Variants in DGKI observed in about 807,000 individuals in gnomAD.
DGKI encodes the protein diacylglycerol kinase iota.
DGKI carries 55 observed loss-of-function variants against 147.5 expected under a neutral mutation model. That is an observed-to-expected ratio of 0.37 (90% CI 0.30 to 0.47). DGKI has a LOEUF of 0.47. DGKI is among the 20% of genes least tolerant of loss of function. The pLI, the probability that DGKI is intolerant of heterozygous loss-of-function variation, is 1.00. For synonymous variants in DGKI, 469 were observed against 477.1 expected (o/e 0.98, Z 0.22); for missense variants, 1,007 against 1,323.8 (o/e 0.76, Z 3.71).
chr7:137,609,815 C>T (rs1028887178), intron 8 of DGKI, among the ~76,000 whole-genome samples: 3 of 152,056 alleles, frequency 2.0e-5, no homozygotes, highest in Non-Finnish European at 4.4e-5. Context: ...CTCCACCACA[C>T]GGAGAGGCAG....
intron 1 of DGKI, among the ~76,000 whole-genome samples, chr7:137,717,919 G>C (rs1794429603): frequency 6.6e-6 from 1 of 152,092 alleles, no homozygotes; most frequent in African/African-American, 2.4e-5. Context: ...TAGAATCCTT[G>C]TTGCAAATTA....
intron 1 of DGKI, among the ~76,000 whole-genome samples, chr7:137,781,774 T>C (rs2116890816): frequency 6.6e-6 from 1 of 152,340 alleles, no homozygotes; most frequent in East Asian, 1.9e-4. Context: ...TGACCGGAAT[T>C]GCCAGGGAAG....
intron 30 of DGKI, among the ~76,000 whole-genome samples, chr7:137,400,212 G>C (rs1227807716): frequency 6.6e-6 from 1 of 152,164 alleles, no homozygotes; most frequent in African/African-American, 2.4e-5. Flanking sequence ...GTCAGCAAGG[G>C]GCTTAAGTAC....
chr7:137,742,542 G>A (rs1046066854), intron 1 of DGKI, among the ~76,000 whole-genome samples: 13 of 152,068 alleles, frequency 8.5e-5, no homozygotes, highest in Non-Finnish European at 1.8e-4. Context: ...AGCCACAAGA[G>A]ACCTTAATAT....
At chr7:137,406,383 T>G (rs1252928421) in intron 30 of DGKI, among the ~76,000 whole-genome samples, 14 of 152,078 alleles carry the variant, frequency 9.2e-5, no homozygotes. Context: ...GCACCAAAAA[T>G]ACATCCTATC....
chr7:137,473,568 T>C (rs1046031733), intron 23 of DGKI, among the ~76,000 whole-genome samples: 6 of 152,266 alleles, frequency 3.9e-5, no homozygotes, highest in Non-Finnish European at 7.4e-5. Flanking sequence ...AATAAGAAGA[T>C]TCTGATCAGT....
intron 28 of DGKI, among the ~76,000 whole-genome samples, chr7:137,436,930 A>T (rs1261772445): frequency 1.3e-5 from 2 of 152,214 alleles, no homozygotes; most frequent in Non-Finnish European, 2.9e-5. Context: ...AAAGAGTATT[A>T]AATAAAATTC....
intron 2 of DGKI, among the ~76,000 whole-genome samples, chr7:137,683,611 C>T (rs967681669): frequency 6.6e-6 from 1 of 152,124 alleles, no homozygotes; most frequent in African/African-American, 2.4e-5. Flanking sequence ...TTCTACTGTC[C>T]CTACCTGGAA....
chr7:137,521,074 G>A (rs912105597), intron 21 of DGKI, among the ~76,000 whole-genome samples: 1 of 151,892 alleles, frequency 6.6e-6, no homozygotes, highest in South Asian at 2.1e-4. Flanking sequence ...TATTGCAGTT[G>A]ACTATTGGCC....
chr7:137,832,720 T>G (rs1471764226), intron 1 of DGKI, among the ~76,000 whole-genome samples: 2 of 152,254 alleles, frequency 1.3e-5, no homozygotes, highest in Non-Finnish European at 2.9e-5. Context: ...TGCAAATTTC[T>G]GCAGCCAGCT....
intron 28 of DGKI, among the ~76,000 whole-genome samples, chr7:137,439,097 C>T (rs1395289184): frequency 2.6e-5 from 4 of 152,196 alleles, no homozygotes; most frequent in Non-Finnish European, 4.4e-5. Flanking sequence ...AAATGTTTTA[C>T]TTCTTAGTCT....
At chr7:137,492,216 C>T (rs1238267408) in intron 21 of DGKI, among the ~76,000 whole-genome samples, 1 of 152,024 alleles carries the variant, frequency 6.6e-6, no homozygotes, top group Non-Finnish European at 1.5e-5. Flanking sequence ...AAGAGAAAGG[C>T]AAAAGTGATC....
At chr7:137,439,581 T>C (rs1467136447) in intron 28 of DGKI, among the ~76,000 whole-genome samples, 3 of 152,198 alleles carry the variant, frequency 2.0e-5, no homozygotes, top group African/African-American at 7.2e-5. Context: ...GGCCCCATCC[T>C]TGACACATGG....
intron 28 of DGKI, among the ~76,000 whole-genome samples, chr7:137,443,835 A>C (rs1195714379): frequency 1.3e-5 from 2 of 152,262 alleles, no homozygotes; most frequent in African/African-American, 4.8e-5. Flanking sequence ...GAAATCAGGC[A>C]GAATAAATTA....
intron 20 of DGKI, among the ~76,000 whole-genome samples, chr7:137,523,434 T>TTCTC (rs372390366): frequency 0.071 from 10,626 of 150,140 alleles, 429 homozygotes; most frequent in African/African-American, 0.12. Context: ...CTCTCTCTCT[T>TTCTC]TCTCTCTCTC....
intron 21 of DGKI, among the ~76,000 whole-genome samples, chr7:137,513,008 C>T (rs1816629074): frequency 6.6e-6 from 1 of 152,162 alleles, no homozygotes; most frequent in Admixed American, 6.5e-5. Flanking sequence ...TTCAATCATC[C>T]ATTTCCAAAG....
At chr7:137,653,916 T>C (rs1048969417) in intron 5 of DGKI, among the ~76,000 whole-genome samples, 3 of 152,238 alleles carry the variant, frequency 2.0e-5, no homozygotes, top group Non-Finnish European at 4.4e-5. Context: ...GTTCTGTTCA[T>C]TGCAGGCTTT....
chr7:137,566,843 T>C (rs1818601668), intron 19 of DGKI, among the ~76,000 whole-genome samples: 1 of 152,070 alleles, frequency 6.6e-6, no homozygotes, highest in South Asian at 2.1e-4. Context: ...TTAGATGTCT[T>C]ACAGAGATTT....
rs1386313057 is a variant in DGKI at position 137,678,728 on chromosome 7, G to A, written c.511-76C>T. 6.7e-6 allele frequency: 9 copies of A among 1,353,200 alleles called. No individual in the cohort carries two copies. In the Admixed American group the frequency reaches 1.5e-4, roughly 23 times the overall value. 83.8% of individuals were successfully genotyped at this position (1,353,200 alleles called of 1,614,324 possible). ...GAAAACTATTTCAAATTTAGATTTG[G>A]GATACAAGAAAGTTAGTGAAACCAA... On this transcript the variant is annotated intron_variant, in intron 2 of 32. Transcript: ENST00000614521.
Sources: gnomAD v4.1 joint callset for allele counts (sites outside exome capture counted in the v4.1 genomes callset) on GRCh38, gnomAD v4.1.1 for gene constraint, MANE v1.5 for transcripts, NCBI Gene and HGNC (gene_info 2026-07-23, HGNC 2026-07-21) for gene names.